The following PGBD5 variants were observed in gnomAD, a reference collection of about 807,000 sequenced individuals.
PGBD5 encodes piggyBac transposable element derived 5.
In PGBD5, 14 loss-of-function variants were observed where a neutral mutation model predicts 47.9. The observed-to-expected ratio is 0.29, with a 90% CI of 0.19 to 0.46. PGBD5 has a LOEUF of 0.46. Ranked by LOEUF, PGBD5 falls within the 20% of genes least tolerant of loss-of-function variation. The pLI, the probability that PGBD5 is intolerant of heterozygous loss-of-function variation, is 1.00. For missense variants in PGBD5, 635 were observed against 716.0 expected (o/e 0.89, Z 1.29); for synonymous variants, 316 against 306.3 (o/e 1.03, Z -0.33).
In PGBD5 at chr1:230,342,027, A is replaced by G. The variant is rs144754370; in HGVS notation, c.895-4739T>C. 1.8e-4 allele frequency among the ~76,000 whole-genome samples: 27 copies of G among 152,324 alleles called. No homozygotes were observed. In the East Asian group the frequency reaches 4.8e-3, roughly 27 times the overall value. The stretch of plus-strand genomic sequence containing the variant: ...TACAACAAAAAGGATCTTAGGAATT[A>G]TGGATTATAGCAGTTAATACCCTGG... On this transcript the variant is annotated intron_variant, in intron 3 of 6. Coordinates refer to ENST00000391860, the MANE Select transcript of PGBD5 (RefSeq NM_001258311.2).
chr1:230,316,087 T>C lies in PGBD5; in HGVS notation c.*7338A>G, dbSNP rs185411547. The stretch of plus-strand genomic sequence containing the variant: ...GTGTATACATACATGTTTATGTGTA[T>C]ACATACATATGTTTATGTGTACACA... On this transcript the variant is annotated 3_prime_UTR_variant, in exon 7 of 7. Coordinates refer to ENST00000391860, the MANE Select transcript of PGBD5 (RefSeq NM_001258311.2). The C allele has an allele frequency of 1.1e-4, 10 of 91,058 alleles. No individual in the cohort carries two copies. The South Asian group carries it at 2.2e-3, about 20-fold the overall frequency. 5.6% of individuals were successfully genotyped at this position (91,058 alleles called of 1,614,324 possible).
chr1:230,371,979 G>A (rs918878220), intron 1 of PGBD5, among the ~76,000 whole-genome samples: 5 of 152,174 alleles, frequency 3.3e-5, no homozygotes, highest in African/African-American at 1.2e-4. Flanking sequence ...AGGAGGGGAT[G>A]GGAATATAAA....
At chr1:230,340,167 C>A (rs1667388730) in intron 3 of PGBD5, among the ~76,000 whole-genome samples, 1 of 152,046 alleles carries the variant, frequency 6.6e-6, no homozygotes, top group Non-Finnish European at 1.5e-5. Context: ...TGCTATTTTA[C>A]TCATGAGTTT....
intron 1 of PGBD5, among the ~76,000 whole-genome samples, chr1:230,410,803 C>T (rs1657392043): frequency 6.6e-6 from 1 of 151,826 alleles, no homozygotes; most frequent in Non-Finnish European, 1.5e-5. Flanking sequence ...GAAGATTTTA[C>T]AAAAAAGATA....
rs924458410 is a variant in PGBD5 at position 230,396,194 on chromosome 1, C to T, written c.331+29404G>A. ...CTTTTACCCACATTCCTTTTTACCC[C>T]CCCACTCTTCCCTTTTACTCACATT... is the stretch of plus-strand genomic sequence containing the variant. On this transcript the variant is annotated intron_variant, in intron 1 of 6. Transcript: ENST00000391860. 3.2e-4 allele frequency among the ~76,000 whole-genome samples: 33 copies of T among 104,756 alleles called. 1 individual carries two copies. Among genetic ancestry groups the T allele is most frequent in the African/African-American group, 1.3e-3 (31 of 23,072 alleles). The allele number at this position is 104,756 out of a possible 152,430, so 68.7% of individuals were successfully genotyped here. A position where few individuals can be genotyped will look rare whatever the true frequency, so the allele number is the denominator to read the frequency against.
chr1:230,363,711 C>G (rs975665891), intron 1 of PGBD5, among the ~76,000 whole-genome samples: 12 of 151,954 alleles, frequency 7.9e-5, no homozygotes, highest in African/African-American at 2.2e-4. Context: ...AACTGTCAGC[C>G]GTTTTGTGAT....
chr1:230,315,871 CATATAT>C lies in PGBD5; in HGVS notation c.*7548_*7553del, dbSNP rs1256518398. 2 of 147,254 alleles carry C rather than the reference CATATAT, an allele frequency of 1.4e-5. No homozygotes were observed. The highest frequency in any genetic ancestry group is 5.0e-5 in the African/African-American group (2 of 40,076). The allele number at this position is 147,254 out of a possible 1,614,324, so 9.1% of individuals were successfully genotyped here. ...ATCTGTATACATGTGTATATATATA[CATATAT>C]GGATACATACATATTTATGTGTACA... On this transcript the variant is annotated 3_prime_UTR_variant, in exon 7 of 7. Coordinates refer to ENST00000391860, the MANE Select transcript of PGBD5 (RefSeq NM_001258311.2).
At chr1:230,410,411 A>AT (rs1419029222) in intron 1 of PGBD5, among the ~76,000 whole-genome samples, 1 of 152,208 alleles carries the variant, frequency 6.6e-6, no homozygotes, top group Non-Finnish European at 1.5e-5. Context: ...CCTATGCCAC[A>AT]TTTTTAAAGA....
At chr1:230,353,844 G>C (rs948745061) in intron 2 of PGBD5, among the ~76,000 whole-genome samples, 2 of 152,224 alleles carry the variant, frequency 1.3e-5, no homozygotes, top group Non-Finnish European at 2.9e-5. Context: ...GGAAAGCTGC[G>C]AATCCAAGGC....
At position 230,362,229 on chromosome 1, in the gene PGBD5, G is replaced by A. The variant is rs367570393; in HGVS notation, c.332-4908C>T. ...ATCTGATGGCTGTTCCCCAAATCAG[G>A]TGAGACCTGGCTGGGATTTAGCTTC... On this transcript the variant is annotated intron_variant, in intron 1 of 6. Transcript: ENST00000391860. 8 of 1,352,318 alleles carry A rather than the reference G, an allele frequency of 5.9e-6. No individual in the cohort carries two copies. In the African/African-American group the frequency reaches 9.0e-5, roughly 15 times the overall value. 83.8% of individuals were successfully genotyped at this position (1,352,318 alleles called of 1,614,324 possible). A position where few individuals can be genotyped will look rare whatever the true frequency, so the allele number is the denominator to read the frequency against.
intron 3 of PGBD5, among the ~76,000 whole-genome samples, chr1:230,349,504 C>T (rs1048730264): frequency 1.6e-5 from 2 of 127,836 alleles, no homozygotes; most frequent in Admixed American, 2.0e-4. Flanking sequence ...TGCTTTACTT[C>T]AGCCTGGGTG....
rs1487199587 is a variant in PGBD5 at position 230,333,010 on chromosome 1, CCG to C, written c.1105_1106del (p.Arg369GlufsTer3). On this transcript the variant is annotated frameshift_variant, in exon 5 of 7. Coordinates refer to ENST00000391860, the MANE Select transcript of PGBD5 (RefSeq NM_001258311.2). LOFTEE classifies it high-confidence loss of function. ...GIYCCGLLRA[R>X]KSDCTGLPLS... ...GTGGGAGGCCGGTGCAGTCACTCTT[CCG>C]CGCGCGGAGCAAGCCGCAGCAGTAA... 2 of 1,608,590 alleles carry C rather than the reference CCG, an allele frequency of 1.2e-6. No individual in the cohort carries two copies. The highest frequency in any genetic ancestry group is 1.7e-6 in the Non-Finnish European group (2 of 1,177,600).
chr1:230,418,738 C>T (rs1328332829), intron 1 of PGBD5, among the ~76,000 whole-genome samples: 2 of 152,210 alleles, frequency 1.3e-5, no homozygotes, highest in East Asian at 1.9e-4. Flanking sequence ...AATTCTCCCA[C>T]GTCAGCTCCC....
chr1:230,401,046 G>A (rs1170435400), intron 1 of PGBD5, among the ~76,000 whole-genome samples: 1 of 152,196 alleles, frequency 6.6e-6, no homozygotes, highest in Non-Finnish European at 1.5e-5. Context: ...CAGTTACCTG[G>A]AGACTGTCCT....
chr1:230,381,953 GA>G (rs992983823), intron 1 of PGBD5, among the ~76,000 whole-genome samples: 1 of 152,108 alleles, frequency 6.6e-6, no homozygotes, highest in Admixed American at 6.5e-5. Context: ...CCCTTTTCAT[GA>G]AACTTTTGTC....
intron 4 of PGBD5, among the ~76,000 whole-genome samples, chr1:230,335,800 G>GACAC (rs1343738283): frequency 3.3e-3 from 9 of 2,762 alleles, no homozygotes; most frequent in Non-Finnish European, 8.0e-3. Flanking sequence ...CAGGCACAAA[G>GACAC]ACACACAGAC....
intron 1 of PGBD5, among the ~76,000 whole-genome samples, chr1:230,370,980 CT>C (rs1048987954): frequency 3.9e-5 from 6 of 152,300 alleles, no homozygotes; most frequent in African/African-American, 1.4e-4. Flanking sequence ...TCAGGGCCTT[CT>C]TTTCTCTTCT....
Position 230,393,779 on chromosome 1 carries a change from C to T in PGBD5, c.331+31819G>A, listed in dbSNP as rs188152603. On this transcript the variant is annotated intron_variant, in intron 1 of 6. Coordinates refer to ENST00000391860, the MANE Select transcript of PGBD5 (RefSeq NM_001258311.2). Reference sequence around the variant, plus strand: ...AGCGGAGCTTGCAGTGAGCGGAGATCGCGCCACAGCACTCCCGCCTGGGCG... The same window carrying T: ...AGCGGAGCTTGCAGTGAGCGGAGATTGCGCCACAGCACTCCCGCCTGGGCG... 2.6e-3 allele frequency among the ~76,000 whole-genome samples: 382 copies of T among 149,258 alleles called. 2 individuals carry two copies. Among genetic ancestry groups the T allele is most frequent in the African/African-American group, 9.0e-3 (364 of 40,618 alleles).
chr1:230,354,120 AG>A, intron 2 of PGBD5, among the ~76,000 whole-genome samples: 1 of 152,328 alleles, frequency 6.6e-6, no homozygotes, highest in Admixed American at 6.5e-5. Flanking sequence ...AGGAAGCCCC[AG>A]GAAGCATGAG....
Sources: gnomAD v4.1 joint callset for allele counts (sites outside exome capture counted in the v4.1 genomes callset) on GRCh38, gnomAD v4.1.1 for gene constraint, MANE v1.5 for transcripts, NCBI Gene and HGNC (gene_info 2026-07-23, HGNC 2026-07-21) for gene names.